The following MSN variants were observed in gnomAD, a reference collection of about 807,000 sequenced individuals.
The protein encoded by MSN is moesin.
A neutral mutation model predicts 48.0 loss-of-function variants in MSN; 2 were observed. The ratio of observed to expected loss-of-function variants is 0.04; its 90% CI spans 0.02 to 0.13. The LOEUF is 0.13. Ranked by LOEUF, MSN falls within the 10% of genes least tolerant of loss-of-function variation. The probability of loss-of-function intolerance (pLI) is 1.00; values close to 1 mark genes in which losing one functional copy is unlikely to be tolerated. For missense variants in MSN, 267 were observed against 470.1 expected (o/e 0.57, Z 3.99); for synonymous variants, 146 against 166.9 (o/e 0.87, Z 0.97).
chrX:65,593,687 C>T (rs2070165845), intron 1 of MSN, among the ~76,000 whole-genome samples: 1 of 111,807 alleles, frequency 8.9e-6, no homozygotes, highest in Non-Finnish European at 1.9e-5. Flanking sequence ...GGATTACAGG[C>T]GCATGCCACC....
At chrX:65,673,559 A>T (rs892044346) in intron 1 of MSN, among the ~76,000 whole-genome samples, 2 of 109,771 alleles carry the variant, frequency 1.8e-5, no homozygotes, top group Non-Finnish European at 3.8e-5. Context: ...GGTTCAAGCG[A>T]TTCTCCTGCC....
intron 1 of MSN, among the ~76,000 whole-genome samples, chrX:65,626,525 T>G (rs2070507673): frequency 9.0e-6 from 1 of 111,498 alleles, no homozygotes; most frequent in African/African-American, 3.3e-5. Flanking sequence ...CCTTGTCACG[T>G]ATGGTCACTG....
chrX:65,636,193 C>T (rs1027003094), intron 1 of MSN, among the ~76,000 whole-genome samples: 3 of 111,585 alleles, frequency 2.7e-5, no homozygotes, highest in African/African-American at 9.8e-5. Context: ...GCAGCCCTGA[C>T]TGTGTCACTT....
At chrX:65,661,507 G>C (rs2070823416) in intron 1 of MSN, among the ~76,000 whole-genome samples, 1 of 112,028 alleles carries the variant, frequency 8.9e-6, no homozygotes, top group Non-Finnish European at 1.9e-5. Flanking sequence ...TGCTGGATTT[G>C]TTTGCTAGTA....
At chrX:65,718,817 C>CT (rs1394727198) in intron 2 of MSN, among the ~76,000 whole-genome samples, 1 of 72,803 alleles carries the variant, frequency 1.4e-5, no homozygotes. Flanking sequence ...GACTCTGTCT[C>CT]TAAAAAAAAA....
rs761662441 is a variant in MSN, at chrX:65,702,681, A to G, written c.13-14137A>G. ...ACTCTGTCTAAAACAAAACAAAACA[A>G]AACAAAACAAAAACAGTTTGTGATC... On this transcript the variant is annotated intron_variant, in intron 1 of 12. Coordinates refer to ENST00000360270, the MANE Select transcript of MSN (RefSeq NM_002444.3). Among the ~76,000 whole-genome samples the G allele has an allele frequency of 1.1e-4, 12 of 110,864 alleles. No homozygotes were observed. The South Asian group carries it at 1.2e-3, about 11-fold the overall frequency.
chrX:65,683,243 C>T (rs1184986896), intron 1 of MSN, among the ~76,000 whole-genome samples: 1 of 111,465 alleles, frequency 9.0e-6, no homozygotes, highest in Middle Eastern at 4.2e-3. Context: ...GGTTTGTGCA[C>T]CTGAGGTTTA....
intron 1 of MSN, among the ~76,000 whole-genome samples, chrX:65,687,755 G>A (rs1170610687): frequency 8.9e-6 from 1 of 111,838 alleles, no homozygotes; most frequent in Non-Finnish European, 1.9e-5. Context: ...AAAGATCGGA[G>A]GTTGAGAAGA....
At chrX:65,620,370 C>T (rs1274349351) in intron 1 of MSN, among the ~76,000 whole-genome samples, 3 of 113,357 alleles carry the variant, frequency 2.6e-5, no homozygotes, top group Admixed American at 9.3e-5. Context: ...ACTCCGTGGG[C>T]GCAGGAACCT....
intron 1 of MSN, among the ~76,000 whole-genome samples, chrX:65,714,104 A>C (rs2071439486): frequency 9.0e-6 from 1 of 111,664 alleles, no homozygotes; most frequent in Non-Finnish European, 1.9e-5. Flanking sequence ...CTGTTCCTGC[A>C]TTAGTTTGCT....
At chrX:65,725,113 G>A (rs185163071) in intron 2 of MSN, among the ~76,000 whole-genome samples, 2 of 112,526 alleles carry the variant, frequency 1.8e-5, no homozygotes, top group African/African-American at 3.2e-5. Context: ...TCAGCCTCTG[G>A]TGAGGGCCTT....
intron 7 of MSN, among the ~76,000 whole-genome samples, chrX:65,733,610 C>T (rs1042061980): frequency 8.9e-6 from 1 of 112,363 alleles, no homozygotes; most frequent in African/African-American, 3.2e-5. Context: ...GAATGCATCT[C>T]ATATTTCCAA....
At chrX:65,628,231 C>T (rs773313379) in intron 1 of MSN, among the ~76,000 whole-genome samples, 2 of 113,080 alleles carry the variant, frequency 1.8e-5, no homozygotes, top group African/African-American at 3.2e-5. Flanking sequence ...CATTTCCATT[C>T]TGCACTTCCC....
intron 1 of MSN, among the ~76,000 whole-genome samples, chrX:65,627,421 C>T (rs191158180): frequency 1.5e-3 from 162 of 110,200 alleles, no homozygotes; most frequent in African/African-American, 4.5e-3. Flanking sequence ...TGGCAGGAGA[C>T]GAAAGGCACT....
chrX:65,594,228 G>A (rs767069657), intron 1 of MSN, among the ~76,000 whole-genome samples: 3 of 111,968 alleles, frequency 2.7e-5, no homozygotes, highest in Non-Finnish European at 5.6e-5. Context: ...TTAGAGAAGC[G>A]GGGGAATTTC....
chrX:65,671,975 C>T (rs2070946706), intron 1 of MSN, among the ~76,000 whole-genome samples: 1 of 112,291 alleles, frequency 8.9e-6, no homozygotes, highest in East Asian at 2.8e-4. Flanking sequence ...AACTACTTTA[C>T]CGAATGATGG....
chrX:65,719,863 A>G (rs1228353237), intron 2 of MSN, among the ~76,000 whole-genome samples: 1 of 111,813 alleles, frequency 8.9e-6, no homozygotes, highest in East Asian at 2.8e-4. Context: ...TAGTGGGGGC[A>G]GAAAAATTCT....
At chrX:65,607,878 C>T (rs1340900655) in intron 1 of MSN, among the ~76,000 whole-genome samples, 1 of 111,843 alleles carries the variant, frequency 8.9e-6, no homozygotes, top group African/African-American at 3.3e-5. Context: ...ATTGTTGCTA[C>T]TCAGGAGGTT....
chrX:65,588,505 G>T (rs1314592789), exon 1 of MSN: 1 of 763,356 alleles, frequency 1.3e-6, no homozygotes, highest in South Asian at 7.0e-5. Context: ...AGCTCCGGGG[G>T]CAGCAGCAAG....
Sources: allele counts gnomAD v4.1 joint callset (sites outside exome capture counted in the v4.1 genomes callset), GRCh38; gene constraint gnomAD v4.1.1; transcripts MANE v1.5; gene names NCBI Gene and HGNC (gene_info 2026-07-23, HGNC 2026-07-21).